MIS18A: variants seen among roughly 807,000 people sequenced by gnomAD.
MIS18A encodes the protein MIS18 kinetochore protein A.
MIS18A carries 14 observed loss-of-function variants against 25.0 expected under a neutral mutation model. That is an observed-to-expected ratio of 0.56 (90% CI 0.37 to 0.88). The LOEUF (loss-of-function observed/expected upper bound fraction) is 0.88. Among genes scored for constraint, MIS18A ranks in the 40% least tolerant of loss-of-function variants. MIS18A has a pLI of 0.00. For synonymous variants in MIS18A, 134 were observed against 118.6 expected, an observed-to-expected ratio of 1.13 and a Z score of -0.84; for missense variants, 292 against 290.8, an observed-to-expected ratio of 1.00 and a Z score of -0.03.
Position 32,278,804 on chromosome 21 carries a change from C to T in MIS18A, c.211G>A (p.Glu71Lys), listed in dbSNP as rs1322386973. 3.8e-6 allele frequency: 6 copies of T among 1,591,798 alleles called. No homozygotes were observed. In the African/African-American group the frequency reaches 5.4e-5, roughly 14 times the overall value. The change falls in exon 1 of 5, where the codon GAG becomes AAG. Residue 71 changes from glutamate (E) to lysine (K), a missense_variant. Physicochemically the swap from Glu to Lys is moderately conservative, Grantham distance 56. Transcript: ENST00000290130. ...CTCTCCTCCGCAGCCGCCGCCTCCT[C>T]CTCCAGCTGCGCCCTCTCCATGTCG... ...VADMERAQLE[E>K]EAAAAEERPL... is the part of the protein sequence containing the mutation.
chr21:32,209,853 G>C, the MIS18A span, among the ~76,000 whole-genome samples: 25,979 of 152,172 alleles, frequency 0.17, 3,330 homozygotes, highest in African/African-American at 0.36. Flanking sequence ...CCACCATGAT[G>C]GTAAGTTTCC....
chr21:32,181,874 G>A, the MIS18A span, among the ~76,000 whole-genome samples: 21 of 152,170 alleles, frequency 1.4e-4, no homozygotes, highest in Non-Finnish European at 2.5e-4. Flanking sequence ...AGGTAGCTAA[G>A]CTGAGGTCTT....
At chr21:32,276,779 G>T (rs1474785042) in intron 1 of MIS18A, among the ~76,000 whole-genome samples, 3 of 152,022 alleles carry the variant, frequency 2.0e-5, no homozygotes, top group Non-Finnish European at 4.4e-5. Context: ...AAAATTTAAA[G>T]ATTAGCCAGG....
At chr21:32,241,798 T>G in the MIS18A span, among the ~76,000 whole-genome samples, 3 of 152,256 alleles carry the variant, frequency 2.0e-5, no homozygotes, top group Non-Finnish European at 4.4e-5. Context: ...CGAGCTATTT[T>G]CTTGTCCCAC....
chr21:32,176,232 G>A, the MIS18A span, among the ~76,000 whole-genome samples: 1 of 152,266 alleles, frequency 6.6e-6, no homozygotes, highest in African/African-American at 2.4e-5. Flanking sequence ...CGAGTATTAT[G>A]TACTATACGT....
At chr21:32,181,210 C>A in the MIS18A span, among the ~76,000 whole-genome samples, 1 of 152,164 alleles carries the variant, frequency 6.6e-6, no homozygotes, top group Admixed American at 6.5e-5. Flanking sequence ...CTGCCCTCAG[C>A]ACTCCTGGTT....
the MIS18A span, among the ~76,000 whole-genome samples, chr21:32,205,632 A>G: frequency 6.6e-6 from 1 of 152,204 alleles, no homozygotes; most frequent in African/African-American, 2.4e-5. Context: ...GCCATCTAAA[A>G]TAAGAAAAAA....
the MIS18A span, among the ~76,000 whole-genome samples, chr21:32,157,513 T>C: frequency 2.0e-5 from 3 of 151,234 alleles, no homozygotes; most frequent in Non-Finnish European, 4.4e-5. Context: ...CAATTTATTA[T>C]AGTAAAGTTT....
chr21:32,185,252 C>G, the MIS18A span, among the ~76,000 whole-genome samples: 160 of 152,270 alleles, frequency 1.1e-3, 2 homozygotes, highest in Admixed American at 8.5e-4. Flanking sequence ...TCCTCCTCCC[C>G]CTCACTCACT....
At chr21:32,237,115 G>A in the MIS18A span, among the ~76,000 whole-genome samples, 1 of 148,600 alleles carries the variant, frequency 6.7e-6, no homozygotes, top group African/African-American at 2.5e-5. Flanking sequence ...CAGAAGTGAC[G>A]TGTGTTGCTT....
intron 1 of MIS18A, chr21:32,278,317 T>G: frequency 4.1e-6 from 1 of 243,294 alleles, no homozygotes; most frequent in South Asian, 9.4e-5. Context: ...CTATGGGGAG[T>G]AATAGTACTG....
the MIS18A span, among the ~76,000 whole-genome samples, chr21:32,163,159 AGT>A: frequency 4.6e-5 from 7 of 152,234 alleles, no homozygotes; most frequent in African/African-American, 1.7e-4. Flanking sequence ...AGCAATTCAA[AGT>A]GGAGTGGAAA....
chr21:32,208,737 C>T, the MIS18A span, among the ~76,000 whole-genome samples: 3 of 152,180 alleles, frequency 2.0e-5, no homozygotes, highest in Non-Finnish European at 4.4e-5. Flanking sequence ...GGAGCTTTGG[C>T]CTTCTAGTTT....
chr21:32,156,638 A>G, the MIS18A span: 1 of 152,194 alleles, frequency 6.6e-6, no homozygotes, highest in East Asian at 1.9e-4. Flanking sequence ...ATTAACCTAT[A>G]TATTTTTATG....
At chr21:32,203,149 A>G in the MIS18A span, among the ~76,000 whole-genome samples, 1 of 152,002 alleles carries the variant, frequency 6.6e-6, no homozygotes, top group African/African-American at 2.4e-5. Context: ...TCCAGAAAGT[A>G]GAACAGAGAC....
At chr21:32,230,324 A>G in the MIS18A span, among the ~76,000 whole-genome samples, 10 of 152,348 alleles carry the variant, frequency 6.6e-5, no homozygotes, top group Admixed American at 6.5e-4. Context: ...CAGGCAAGTC[A>G]CTTAATCTCT....
At chr21:32,229,334 G>A in the MIS18A span, among the ~76,000 whole-genome samples, 1 of 152,212 alleles carries the variant, frequency 6.6e-6, no homozygotes, top group Non-Finnish European at 1.5e-5. Context: ...AGGCAAACAA[G>A]CAAGAGGGCA....
rs1183589682 is a variant in MIS18A, at chr21:32,278,698, T to C, written c.317A>G (p.Asn106Ser). 3.8e-6 allele frequency: 6 copies of C among 1,567,714 alleles called. No individual in the cohort carries two copies. Among genetic ancestry groups the C allele is most frequent in the Non-Finnish European group, 5.2e-6 (6 of 1,162,972 alleles). The change falls in exon 1 of 5, where the codon AAC becomes AGC. Residue 106 changes from asparagine to serine, a missense_variant. By Grantham distance (46) the Asn-to-Ser change is conservative. Transcript: ENST00000290130. ...LSWVASQEDT[N>S]CILLRCVSCN... ...CAACTGACAGCGAAGCAGGATGCAGTTGGTGTCCTCCTGGCTGGCCACCCA... is the reference window on the plus strand; with the variant it reads ...CAACTGACAGCGAAGCAGGATGCAGCTGGTGTCCTCCTGGCTGGCCACCCA...
chr21:32,253,469 C>T, the MIS18A span, among the ~76,000 whole-genome samples: 2 of 149,798 alleles, frequency 1.3e-5, no homozygotes, highest in Non-Finnish European at 3.0e-5. Flanking sequence ...TTTGTTCTGA[C>T]TCCACTTTCA....
Sources: gnomAD v4.1 joint callset for allele counts (sites outside exome capture counted in the v4.1 genomes callset) on GRCh38, gnomAD v4.1.1 for gene constraint, MANE v1.5 for transcripts, NCBI Gene and HGNC (gene_info 2026-07-23, HGNC 2026-07-21) for gene names.